EVA1C: variants seen among roughly 807,000 people sequenced by gnomAD.
EVA1C encodes the protein eva-1 homolog C.
Under a neutral mutation model 45.4 loss-of-function variants are expected in EVA1C, and 25 were observed. The observed-to-expected ratio is 0.55, with a 90% CI of 0.40 to 0.77. The LOEUF is 0.77. Among genes scored for constraint, EVA1C ranks in the 30% least tolerant of loss-of-function variants. The probability of loss-of-function intolerance (pLI) is 0.00; values close to 1 mark genes in which losing one functional copy is unlikely to be tolerated. For missense variants in EVA1C, 479 were observed against 554.8 expected (o/e 0.86, Z 1.37); for synonymous variants, 190 against 221.2 (o/e 0.86, Z 1.25).
At chr21:32,492,709 GTT>G (rs56851883) in intron 4 of EVA1C, among the ~76,000 whole-genome samples, 58 of 147,822 alleles carry the variant, frequency 3.9e-4, no homozygotes, top group Non-Finnish European at 7.0e-4. Flanking sequence ...GTTTTCTTTT[GTT>G]TTTTTTTTTA....
At chr21:32,507,840 T>A (rs2037810551) in intron 7 of EVA1C, among the ~76,000 whole-genome samples, 1 of 140,752 alleles carries the variant, frequency 7.1e-6, no homozygotes, top group Admixed American at 7.0e-5. Flanking sequence ...TGTGTGTGCA[T>A]GTGTCTGTAT....
chr21:32,443,255 G>A (rs955023751), intron 1 of EVA1C, among the ~76,000 whole-genome samples: 1 of 152,190 alleles, frequency 6.6e-6, no homozygotes, highest in Non-Finnish European at 1.5e-5. Context: ...AAGATTTACA[G>A]TACATGGCAG....
intron 7 of EVA1C, among the ~76,000 whole-genome samples, chr21:32,507,416 G>C (rs2037758244): frequency 6.8e-6 from 1 of 148,142 alleles, no homozygotes; most frequent in Non-Finnish European, 1.5e-5. Flanking sequence ...GCATGTGTGT[G>C]TATGTGTGCA....
In EVA1C at chr21:32,467,993, ATACT is replaced by A. The variant is rs573864261; in HGVS notation, c.634+148_634+151del. 1,401 of 451,516 alleles carry A rather than the reference ATACT, an allele frequency of 3.1e-3. 6 individuals are homozygous for A. The highest frequency in any genetic ancestry group is 0.011 in the Middle Eastern group (17 of 1,584). 28.0% of individuals were successfully genotyped at this position (451,516 alleles called of 1,614,324 possible). On this transcript the variant is annotated intron_variant, in intron 4 of 7. Transcript: ENST00000300255. ...CACGATCTTGTGATCGTGTAAGTTA[ATACT>A]TAATAAACTCCCGTGTGTGTGTGTA...
Position 32,412,895 on chromosome 21 carries a change from G to A in EVA1C, c.42G>A (p.Gln14=). Residue 14 remains glutamine (Q), a synonymous_variant, in exon 1 of 8, where the codon CAG becomes CAA. Transcript: ENST00000300255. ...GCGCACGCCAACCGCCGACGCCCCA[G>A]CCCGTGCAGCATCCCGGCCTCCGCC... ...PGRARQPPTP[Q]PVQHPGLRRQ... 4 of 1,511,618 alleles carry A rather than the reference G, an allele frequency of 2.6e-6. No homozygotes were observed. Among genetic ancestry groups the A allele is most frequent in the African/African-American group, 1.4e-5 (1 of 69,598 alleles). The allele number at this position is 1,511,618 out of a possible 1,614,324, so 93.6% of individuals were successfully genotyped here.
At chr21:32,412,661 C>T (rs1338897354), upstream of EVA1C, 3 of 442,742 alleles carry the variant, frequency 6.8e-6, no homozygotes, top group Non-Finnish European at 7.7e-6. Context: ...CCCAGTTCTC[C>T]GCCCCCTCCC....
At chr21:32,418,587 T>G (rs2034142098) in intron 1 of EVA1C, among the ~76,000 whole-genome samples, 2 of 152,212 alleles carry the variant, frequency 1.3e-5, no homozygotes. Context: ...CAGTCTCATT[T>G]GCAGATGAGA....
chr21:32,495,618 C>G (rs1409603173), intron 5 of EVA1C, among the ~76,000 whole-genome samples: 3 of 152,206 alleles, frequency 2.0e-5, no homozygotes, highest in African/African-American at 7.2e-5. Context: ...GCTATTTTAT[C>G]TACATGCCCA....
chr21:32,509,459 AGAG>A (rs911175686), intron 7 of EVA1C, among the ~76,000 whole-genome samples: 36 of 152,336 alleles, frequency 2.4e-4, no homozygotes, highest in Admixed American at 1.9e-3. Context: ...TCCCAGGAGA[AGAG>A]GAGAGGGAAA....
At chr21:32,477,930 C>A (rs73192504) in intron 4 of EVA1C, among the ~76,000 whole-genome samples, 1 of 76,844 alleles carries the variant, frequency 1.3e-5, no homozygotes, top group Non-Finnish European at 2.5e-5. Context: ...TCTCACCTCC[C>A]CCATACGCTC....
At chr21:32,468,395 A>C (rs1601346998) in intron 4 of EVA1C, among the ~76,000 whole-genome samples, 2 of 150,828 alleles carry the variant, frequency 1.3e-5, no homozygotes, top group South Asian at 2.1e-4. Context: ...AACAAACAAA[A>C]AAACAAAACA....
At chr21:32,448,951 A>AG (rs59581376) in intron 1 of EVA1C, among the ~76,000 whole-genome samples, 1 of 151,348 alleles carries the variant, frequency 6.6e-6, no homozygotes, top group African/African-American at 2.4e-5. Context: ...AGAGAGAAAG[A>AG]AAGAAAAGAG....
At chr21:32,492,192 G>C (rs987671547) in intron 4 of EVA1C, among the ~76,000 whole-genome samples, 1 of 152,208 alleles carries the variant, frequency 6.6e-6, no homozygotes, top group Non-Finnish European at 1.5e-5. Flanking sequence ...CCAGGGAGCT[G>C]AGGTCAGTGA....
chr21:32,473,149 T>C (rs1413284400), intron 4 of EVA1C, among the ~76,000 whole-genome samples: 2 of 152,230 alleles, frequency 1.3e-5, no homozygotes, highest in African/African-American at 4.8e-5. Flanking sequence ...AATACAAACC[T>C]TTGGCTCTCT....
At position 32,413,028 on chromosome 21, in the gene EVA1C, C is replaced by T; in HGVS notation, c.160+15C>T. On this transcript the variant is annotated intron_variant, in intron 1 of 7. Transcript: ENST00000300255. The stretch of plus-strand genomic sequence containing the variant: ...CGACTTCTCTGGTAAGAGCGCCCTC[C>T]CTGGCTGTGTGCCCCCGGCACCGCG... 1 of 1,389,746 alleles carries T rather than the reference C, an allele frequency of 7.2e-7. No homozygotes were observed. Among genetic ancestry groups the T allele is most frequent in the South Asian group, 1.8e-5 (1 of 56,372 alleles). The allele number at this position is 1,389,746 out of a possible 1,614,324, so 86.1% of individuals were successfully genotyped here. A position where few individuals can be genotyped will look rare whatever the true frequency, so the allele number is the denominator to read the frequency against.
intron 4 of EVA1C, among the ~76,000 whole-genome samples, chr21:32,479,634 C>A (rs1276794980): frequency 1.3e-5 from 2 of 152,136 alleles, no homozygotes; most frequent in Non-Finnish European, 2.9e-5. Context: ...AAAATAAATT[C>A]TTGCACTCCC....
chr21:32,481,401 CTTT>C (rs5843555), intron 4 of EVA1C, among the ~76,000 whole-genome samples: 8 of 133,058 alleles, frequency 6.0e-5, no homozygotes, highest in Admixed American at 1.5e-4. Flanking sequence ...GAAACAGAAC[CTTT>C]TTTTTTTTTT....
At chr21:32,493,065 G>A (rs2037219799) in intron 4 of EVA1C, among the ~76,000 whole-genome samples, 1 of 152,172 alleles carries the variant, frequency 6.6e-6, no homozygotes, top group South Asian at 2.1e-4. Flanking sequence ...GGCCAGGTGT[G>A]GGAACTAGAT....
intron 1 of EVA1C, among the ~76,000 whole-genome samples, chr21:32,434,801 C>T (rs115289206): frequency 0.012 from 1,796 of 152,330 alleles, 4 homozygotes; most frequent in African/African-American, 0.041. Flanking sequence ...GTGGCCCTGA[C>T]AATGCCTTCA....
Sources: gnomAD v4.1 joint callset for allele counts (sites outside exome capture counted in the v4.1 genomes callset) on GRCh38, gnomAD v4.1.1 for gene constraint, MANE v1.5 for transcripts, NCBI Gene and HGNC (gene_info 2026-07-23, HGNC 2026-07-21) for gene names.